DAPK1: variants seen among roughly 807,000 people sequenced by gnomAD.
DAPK1 encodes death associated protein kinase 1, also known as death-associated protein kinase 1.
A neutral mutation model predicts 144.9 loss-of-function variants in DAPK1; 56 were observed. The observed-to-expected ratio is 0.39, with a 90% CI of 0.31 to 0.48. The LOEUF (loss-of-function observed/expected upper bound fraction) is 0.48. DAPK1 is among the 20% of genes least tolerant of loss of function. The pLI is 0.95. For synonymous variants in DAPK1, 690 were observed against 749.0 expected, an observed-to-expected ratio of 0.92 and a Z score of 1.29; for missense variants, 1,454 against 1,875.4, an observed-to-expected ratio of 0.78 and a Z score of 4.15.
At chr9:87,580,676 C>T (rs112058334) in intron 2 of DAPK1, among the ~76,000 whole-genome samples, 2 of 152,228 alleles carry the variant, frequency 1.3e-5, no homozygotes, top group African/African-American at 4.8e-5. Flanking sequence ...AGATTAATAC[C>T]AGCTCCTACT....
chr9:87,598,127 C>T (rs1022985295), intron 2 of DAPK1, among the ~76,000 whole-genome samples: 7 of 152,218 alleles, frequency 4.6e-5, no homozygotes. Context: ...CCCTTACCTA[C>T]AACCTGTAAT....
intron 2 of DAPK1, among the ~76,000 whole-genome samples, chr9:87,567,513 C>A (rs1044481330): frequency 6.6e-6 from 1 of 152,052 alleles, no homozygotes; most frequent in African/African-American, 2.4e-5. Flanking sequence ...GATCAGTAGA[C>A]CCCGCTCACA....
chr9:87,672,363 A>G (rs1292123855), intron 19 of DAPK1, among the ~76,000 whole-genome samples: 1 of 152,196 alleles, frequency 6.6e-6, no homozygotes, highest in Non-Finnish European at 1.5e-5. Context: ...GAGGTGAGCA[A>G]CATACTAATC....
chr9:87,687,460 C>T (rs11141947), intron 21 of DAPK1, among the ~76,000 whole-genome samples: 20,921 of 152,204 alleles, frequency 0.14, 1,984 homozygotes, highest in East Asian at 0.43. Flanking sequence ...CTGCAAATGA[C>T]GTGATTTCAT....
intron 16 of DAPK1, among the ~76,000 whole-genome samples, chr9:87,650,842 T>C (rs1174773345): frequency 6.6e-6 from 1 of 152,164 alleles, no homozygotes; most frequent in Non-Finnish European, 1.5e-5. Flanking sequence ...CTACTAAACA[T>C]CCTGCAGCTC....
chr9:87,503,231 T>C (rs1824473469), intron 2 of DAPK1, among the ~76,000 whole-genome samples: 1 of 151,956 alleles, frequency 6.6e-6, no homozygotes, highest in East Asian at 1.9e-4. Flanking sequence ...TATATATGTA[T>C]ATGTTTTTTA....
chr9:87,601,233 C>G (rs1432872764), intron 2 of DAPK1, among the ~76,000 whole-genome samples: 1 of 152,210 alleles, frequency 6.6e-6, no homozygotes, highest in African/African-American at 2.4e-5. Flanking sequence ...AGTCTGTCCT[C>G]ACAGTTTGCT....
chr9:87,514,204 T>C (rs925753500), intron 2 of DAPK1, among the ~76,000 whole-genome samples: 1 of 152,086 alleles, frequency 6.6e-6, no homozygotes, highest in African/African-American at 2.4e-5. Context: ...AAAACACCCC[T>C]GTGGAATGAG....
intron 2 of DAPK1, among the ~76,000 whole-genome samples, chr9:87,522,382 A>C (rs1281590718): frequency 6.6e-6 from 1 of 152,172 alleles, no homozygotes; most frequent in Non-Finnish European, 1.5e-5. Flanking sequence ...AATAAACATA[A>C]ATTTTTTCAT....
intron 2 of DAPK1, among the ~76,000 whole-genome samples, chr9:87,537,892 G>A (rs915746099): frequency 6.6e-6 from 1 of 152,154 alleles, no homozygotes; most frequent in Admixed American, 6.5e-5. Context: ...GCAAGCGGGG[G>A]TTTGAGAGGA....
rs186283580 is a variant in DAPK1, at chr9:87,696,726, A to C, written c.2414-281A>C. 1.9e-3 allele frequency among the ~76,000 whole-genome samples: 285 copies of C among 151,640 alleles called. 3 individuals carry two copies. The South Asian group carries it at 0.024, about 13-fold the overall frequency. On this transcript the variant is annotated intron_variant, in intron 21 of 25. Transcript: ENST00000408954. The stretch of plus-strand genomic sequence containing the variant: ...CAAGAACACACTCACTCACTCACTC[A>C]CTCCTTCCCACCAGCACCAAGCCAT...
intron 2 of DAPK1, among the ~76,000 whole-genome samples, chr9:87,516,525 C>T (rs1388820725): frequency 1.3e-5 from 2 of 152,156 alleles, no homozygotes; most frequent in East Asian, 3.9e-4. Context: ...GTGATTGTTT[C>T]TAAACTGCCT....
intron 22 of DAPK1, among the ~76,000 whole-genome samples, chr9:87,698,114 A>T (rs999277619): frequency 6.6e-6 from 1 of 152,106 alleles, no homozygotes; most frequent in Admixed American, 6.5e-5. Context: ...TCAGCAGTCA[A>T]TTTTTTTTCT....
intron 2 of DAPK1, among the ~76,000 whole-genome samples, chr9:87,556,261 C>T (rs570338706): frequency 1.3e-5 from 2 of 152,284 alleles, no homozygotes; most frequent in African/African-American, 4.8e-5. Flanking sequence ...TTCACAACAG[C>T]GCTGTGAGGT....
rs36213056 is a variant in DAPK1, at chr9:87,646,454, A to C, written c.1132-7A>C. 6.2e-7 allele frequency: 1 copy of C among 1,605,506 alleles called. No homozygotes were observed. Among genetic ancestry groups the C allele is most frequent in the South Asian group, 1.1e-5 (1 of 90,078 alleles). On this transcript the variant is annotated splice_polypyrimidine_tract_variant and splice_region_variant and intron_variant, in intron 12 of 25. Coordinates refer to ENST00000408954, the MANE Select transcript of DAPK1 (RefSeq NM_004938.4). Reference sequence around the variant, plus strand: ...AAAATTAGTAATTTTTTTCTTGCCTATTCTAGCACGGGACACCTCCATTAC... The same window carrying C: ...AAAATTAGTAATTTTTTTCTTGCCTCTTCTAGCACGGGACACCTCCATTAC...
At position 87,650,086 on chromosome 9, in the gene DAPK1, G is replaced by A. The variant is rs370724837; in HGVS notation, c.1594G>A (p.Glu532Lys). ...CCACGACATCGTGGAGTGTCTGGCCGAACATGGAGCCGACCTTAATGCTTG... is the reference window on the plus strand; with the variant it reads ...CCACGACATCGTGGAGTGTCTGGCCAAACATGGAGCCGACCTTAATGCTTG... ...GYHDIVECLAEHGADLNACDK... is the reference protein window; with the variant it reads ...GYHDIVECLAKHGADLNACDK... The change falls in exon 16 of 26, where the codon GAA (glutamate) becomes AAA (lysine). Residue 532 changes from glutamate (E) to lysine (K), a missense_variant. Transcript: ENST00000408954. 14 of 1,614,010 alleles carry A rather than the reference G, an allele frequency of 8.7e-6. No individual in the cohort carries two copies. The highest frequency in any genetic ancestry group is 1.6e-4 in the Middle Eastern group (1 of 6,084).
Position 87,561,355 on chromosome 9 carries a change from T to C in DAPK1, c.63-43599T>C, listed in dbSNP as rs1430155901. Among the ~76,000 whole-genome samples, 6 of 152,214 alleles carry C rather than the reference T, an allele frequency of 3.9e-5. No homozygotes were observed. The East Asian group carries it at 9.7e-4, about 25-fold the overall frequency. On this transcript the variant is annotated intron_variant, in intron 2 of 25. Coordinates refer to ENST00000408954, the MANE Select transcript of DAPK1 (RefSeq NM_004938.4). ...GCCTGGCTAACACGGTGAAACCTCG[T>C]CTCTCCTAAAAATACAAAAAATTAG...
rs182027318 is a variant in DAPK1 at position 87,694,333 on chromosome 9, A to T, written c.2414-2674A>T. On this transcript the variant is annotated intron_variant, in intron 21 of 25. Transcript: ENST00000408954. Reference sequence around the variant, plus strand: ...CCACTAAGAGGAGTGCTCAGGTGCCAGTGGTGGTGGACTGGGCTAGGTGAT... The same window carrying T: ...CCACTAAGAGGAGTGCTCAGGTGCCTGTGGTGGTGGACTGGGCTAGGTGAT... Among the ~76,000 whole-genome samples, 22 of 152,304 alleles carry T rather than the reference A, an allele frequency of 1.4e-4. No homozygotes were observed. In the East Asian group the frequency reaches 4.1e-3, roughly 28 times the overall value.
In DAPK1 at chr9:87,698,129, G is replaced by A. The variant is rs559550630; in HGVS notation, c.2612-527G>A. On this transcript the variant is annotated intron_variant, in intron 22 of 25. Transcript: ENST00000408954. Reference sequence around the variant, plus strand: ...TCAGCAGTCAATTTTTTTTCTTTCCGGAAAAGCATATAATACAAGGAGTTG... The same window carrying A: ...TCAGCAGTCAATTTTTTTTCTTTCCAGAAAAGCATATAATACAAGGAGTTG... Among the ~76,000 whole-genome samples, 9 of 152,224 alleles carry A rather than the reference G, an allele frequency of 5.9e-5. 1 individual carries two copies. The South Asian group carries it at 1.2e-3, about 21-fold the overall frequency.
Sources: gnomAD v4.1 joint callset for allele counts (sites outside exome capture counted in the v4.1 genomes callset) on GRCh38, gnomAD v4.1.1 for gene constraint, MANE v1.5 for transcripts, NCBI Gene and HGNC (gene_info 2026-07-23, HGNC 2026-07-21) for gene names.